Variants in ATAD3A observed in about 807,000 individuals in gnomAD.
The protein encoded by ATAD3A is ATPase family AAA domain-containing protein 3A.
Under a neutral mutation model 73.8 loss-of-function variants are expected in ATAD3A, and 46 were observed. The ratio of observed to expected loss-of-function variants is 0.62; its 90% CI spans 0.49 to 0.80. The LOEUF (loss-of-function observed/expected upper bound fraction) is 0.80. Ranked by LOEUF, ATAD3A falls within the 30% of genes least tolerant of loss-of-function variation. The pLI is 0.00. For synonymous variants in ATAD3A, 319 were observed against 350.0 expected, an observed-to-expected ratio of 0.91 and a Z score of 0.99; for missense variants, 705 against 838.0, an observed-to-expected ratio of 0.84 and a Z score of 1.96.
At chr1:1,524,815 C>T (rs891704076) in intron 11 of ATAD3A, among the ~76,000 whole-genome samples, 7 of 149,774 alleles carry the variant, frequency 4.7e-5, no homozygotes, top group African/African-American at 1.7e-4. Flanking sequence ...CCCACAGTGA[C>T]CCCGCGCAGG....
In ATAD3A at chr1:1,523,899, C is replaced by T. The variant is rs746463437; in HGVS notation, c.1024C>T (p.Arg342Cys). Residue 342 changes from arginine (R) to cysteine (C), a missense_variant, in exon 10 of 16, where the codon CGC (arginine) becomes TGC (cysteine). By Grantham distance (180) the Arg-to-Cys change is radical. Coordinates refer to ENST00000378756, the MANE Select transcript of ATAD3A (RefSeq NM_001170535.3). This position sits in a 1 kb window ranked among gnomAD's most constrained non-coding sequence, Gnocchi z 5.1. ...AGCAACAAGGAACACCAAGAAGAACCGCAGCCTGTACAGGAACATCCTGAT... is the reference window on the plus strand; with the variant it reads ...AGCAACAAGGAACACCAAGAAGAACTGCAGCCTGTACAGGAACATCCTGAT... ...AIATRNTKKN[R>C]SLYRNILMYG... 24 of 1,613,918 alleles carry T rather than the reference C, an allele frequency of 1.5e-5. No individual in the cohort carries two copies. The African/African-American group carries it at 1.7e-4, about 12-fold the overall frequency.
intron 12 of ATAD3A, 139 bp from the exon 13 acceptor site, chr1:1,526,322 G>A: frequency 3.9e-6 from 6 of 1,521,930 alleles, no homozygotes; most frequent in Non-Finnish European, 5.3e-6. Context: ...CCTGGCCCTG[G>A]TCAGGCTTTT....
intron 1 of ATAD3A, among the ~76,000 whole-genome samples, chr1:1,513,534 C>G (rs563375349): frequency 6.6e-6 from 1 of 151,908 alleles, no homozygotes; most frequent in South Asian, 2.1e-4. Flanking sequence ...TGTGGTGGAG[C>G]GGGGCCCGGG....
chr1:1,534,396 G>A lies in ATAD3A; in HGVS notation c.*324G>A, dbSNP rs573895560. The A allele has an allele frequency of 1.5e-6, 2 of 1,332,880 alleles. No homozygotes were observed. Among genetic ancestry groups the A allele is most frequent in the East Asian group, 2.8e-5 (1 of 35,980 alleles). The allele number at this position is 1,332,880 out of a possible 1,614,324, so 82.6% of individuals were successfully genotyped here. ...CCAGGCCACTGTGAGGGTGGGTGCT[G>A]GCTGAGCCCCCGGGGCAGCAGGAGC... On this transcript the variant is annotated 3_prime_UTR_variant, in exon 16 of 16. Coordinates refer to ENST00000378756, the MANE Select transcript of ATAD3A (RefSeq NM_001170535.3).
rs1372246068 is a variant in ATAD3A at position 1,520,242 on chromosome 1, A to T, written c.616A>T (p.Ile206Phe). 1 of 1,612,598 alleles carries T rather than the reference A, an allele frequency of 6.2e-7. No individual in the cohort carries two copies. The highest frequency in any genetic ancestry group is 1.1e-5 in the South Asian group (1 of 91,048). Residue 206 changes from isoleucine (I) to phenylalanine (F), a missense_variant, in exon 6 of 16, where the codon ATC becomes TTC. By Grantham distance (21) the Ile-to-Phe change is conservative. This residue lies in a region of ATAD3A where 315 missense variants were observed against 334.1 expected (regional missense o/e 0.94). Coordinates refer to ENST00000378756, the MANE Select transcript of ATAD3A (RefSeq NM_001170535.3). This position sits in a 1 kb window ranked among gnomAD's most constrained non-coding sequence, Gnocchi z 4.0. ...RAKAERENAD[I>F]IREQIRLKAA... ...CAAGGCCGAGCGGGAGAATGCAGACATCATCCGCGAGCAGATCCGCCTGAA... is the reference window on the plus strand; with the variant it reads ...CAAGGCCGAGCGGGAGAATGCAGACTTCATCCGCGAGCAGATCCGCCTGAA...
intron 14 of ATAD3A, 92 bp downstream of exon 14, chr1:1,527,954 ATTCCT>A: frequency 4.6e-5 from 53 of 1,158,474 alleles, no homozygotes; most frequent in Middle Eastern, 2.9e-4. Context: ...AACCTTTAAC[ATTCCT>A]TTTTTTTTTT....
chr1:1,512,746 G>T (rs1433172194), intron 1 of ATAD3A: 15 of 1,120,868 alleles, frequency 1.3e-5, no homozygotes, highest in South Asian at 2.2e-5. Flanking sequence ...AGGGTCTGGG[G>T]CTGGCCGTGG....
rs371799731 is a variant in ATAD3A, at chr1:1,524,404, C to G, written c.1214+7C>G. The G allele has an allele frequency of 6.3e-7, 1 of 1,597,354 alleles. No homozygotes were observed. Among genetic ancestry groups the G allele is most frequent in the South Asian group, 1.1e-5 (1 of 90,310 alleles). On this transcript the variant is annotated splice_region_variant and intron_variant, in intron 11 of 15. Coordinates refer to ENST00000378756, the MANE Select transcript of ATAD3A (RefSeq NM_001170535.3). Reference sequence around the variant, plus strand: ...CCAATACCAGCCGGCGCGGGTGAGACGTCCCCACAGCATGCACCAGGCCCT... The same window carrying G: ...CCAATACCAGCCGGCGCGGGTGAGAGGTCCCCACAGCATGCACCAGGCCCT...
At chr1:1,514,517 C>T (rs1367952854) in intron 1 of ATAD3A, among the ~76,000 whole-genome samples, 3 of 152,200 alleles carry the variant, frequency 2.0e-5, no homozygotes, top group Non-Finnish European at 4.4e-5. Context: ...ACTGGGGCCC[C>T]CGAGGTTAGC....
At position 1,512,268 on chromosome 1, in the gene ATAD3A, C is replaced by T. The variant is rs1641217439; in HGVS notation, c.-1C>T. 8 of 1,273,554 alleles carry T rather than the reference C, an allele frequency of 6.3e-6. No homozygotes were observed. Among genetic ancestry groups the T allele is most frequent in the East Asian group, 3.0e-5 (1 of 33,280 alleles). The allele number at this position is 1,273,554 out of a possible 1,614,324, so 78.9% of individuals were successfully genotyped here. A position where few individuals can be genotyped will look rare whatever the true frequency, so the allele number is the denominator to read the frequency against. On this transcript the variant is annotated 5_prime_UTR_variant, in exon 1 of 16. Transcript: ENST00000378756. Reference sequence around the variant, plus strand: ...GCGGTAGCGGCGGCGGCGGTGCGAGCATGTCGTGGCTCTTCGGCATTAACA... The same window carrying T: ...GCGGTAGCGGCGGCGGCGGTGCGAGTATGTCGTGGCTCTTCGGCATTAACA...
Position 1,522,768 on chromosome 1 carries a change from G to A in ATAD3A, c.775G>A (p.Val259Ile), listed in dbSNP as rs1360133598. The A allele has an allele frequency of 6.2e-7, 1 of 1,611,996 alleles. No homozygotes were observed. The highest frequency in any genetic ancestry group is 8.5e-7 in the Non-Finnish European group (1 of 1,179,780). The stretch of plus-strand genomic sequence containing the variant: ...GGTGGCTGGGCTGACGCTGCTGGCT[G>A]TTGGGGTCTACTCAGCCAAGAATGC... ...ATVAGLTLLA[V>I]GVYSAKNATL... The change falls in exon 8 of 16, where the codon GTT (valine) becomes ATT (isoleucine). Residue 259 changes from valine to isoleucine, a missense_variant. Physicochemically the swap from Val to Ile is conservative, Grantham distance 29. Transcript: ENST00000378756.
chr1:1,532,885 G>A (rs1392033581), intron 15 of ATAD3A, among the ~76,000 whole-genome samples: 5 of 144,210 alleles, frequency 3.5e-5, no homozygotes, highest in Admixed American at 6.8e-5. Flanking sequence ...CCTGCACTCC[G>A]GGGCCCCTGA....
Position 1,534,106 on chromosome 1 carries a change from G to A in ATAD3A, c.*34G>A, listed in dbSNP as rs774182550. ...GGAGATCCACAGCTCACGGAGCCTG[G>A]CCGCGGACCCCTCCCACCCCTGCCT... On this transcript the variant is annotated 3_prime_UTR_variant, in exon 16 of 16. Transcript: ENST00000378756. The A allele has an allele frequency of 6.8e-6, 11 of 1,613,284 alleles. No individual in the cohort carries two copies. In the East Asian group the frequency reaches 2.2e-4, roughly 33 times the overall value.
chr1:1,530,874 G>C lies in ATAD3A; in HGVS notation c.1614+1543G>C, dbSNP rs537183718. Among the ~76,000 whole-genome samples the C allele has an allele frequency of 2.0e-4, 30 of 146,560 alleles. 1 individual carries two copies. In the South Asian group the frequency reaches 6.5e-3, roughly 32 times the overall value. On this transcript the variant is annotated intron_variant, in intron 15 of 15. Transcript: ENST00000378756. ...AAAAAAACTAAGAATAATTTGGAAC[G>C]AGTGCGGTGGCTCACTCCTGTAATC...
rs1473609320 is a variant in ATAD3A at position 1,527,748 on chromosome 1, A to G, written c.1391A>G (p.Asn464Ser). The change falls in exon 14 of 16, where the codon AAT becomes AGT. Residue 464 changes from asparagine (N) to serine (S), a missense_variant. Around this residue, in one of 5 missense-constraint regions of ATAD3A, gnomAD observed 252 missense variants for 278.5 expected, o/e 0.90. Coordinates refer to ENST00000378756, the MANE Select transcript of ATAD3A (RefSeq NM_001170535.3). ...NQPEQFDWAI[N>S]DRINEMVHFD... ...CCAGAGCAGTTCGACTGGGCCATCA[A>G]TGACCGCATCAATGAGATGGTCCAC... The G allele has an allele frequency of 8.7e-6, 14 of 1,613,970 alleles. No individual in the cohort carries two copies. The highest frequency in any genetic ancestry group is 5.5e-5 in the South Asian group (5 of 91,072).
rs1351966293 is a variant in ATAD3A at position 1,520,530 on chromosome 1, C to T, written c.681-18C>T. On this transcript the variant is annotated intron_variant, in intron 6 of 15. Coordinates refer to ENST00000378756, the MANE Select transcript of ATAD3A (RefSeq NM_001170535.3). The surrounding 1 kb of genome is among the most constrained non-coding windows in gnomAD (Gnocchi z 4.0). ...GATCTTCGTGTCCTTCCTGGTCACA[C>T]CACTGCTTTCCCCGCAGGACGGCTG... is the stretch of plus-strand genomic sequence containing the variant. 2 of 1,614,096 alleles carry T rather than the reference C, an allele frequency of 1.2e-6. No individual in the cohort carries two copies. Among genetic ancestry groups the T allele is most frequent in the African/African-American group, 1.3e-5 (1 of 75,074 alleles).
chr1:1,520,700 G>C lies in ATAD3A; in HGVS notation c.750+83G>C. On this transcript the variant is annotated intron_variant, in intron 7 of 15. Transcript: ENST00000378756. The surrounding 1 kb of genome is among the most constrained non-coding windows in gnomAD (Gnocchi z 4.0). ...TCCTGGAGCCCCAGGTCCTGTCCCT[G>C]CCGGCTCTGCACAGCCCTGTAGCTC... is the stretch of plus-strand genomic sequence containing the variant. 6.2e-7 allele frequency: 1 copy of C among 1,605,614 alleles called. No homozygotes were observed. Among genetic ancestry groups the C allele is most frequent in the Non-Finnish European group, 8.5e-7 (1 of 1,174,324 alleles).
At chr1:1,528,611 G>A (rs2100680198) in intron 14 of ATAD3A, among the ~76,000 whole-genome samples, 1 of 152,382 alleles carries the variant, frequency 6.6e-6, no homozygotes, top group East Asian at 1.9e-4. Context: ...TCCAGGTGAT[G>A]AGGGGCCCTG....
In ATAD3A at chr1:1,526,513, C is replaced by T. The variant is rs753568599; in HGVS notation, c.1319C>T (p.Thr440Met). The T allele has an allele frequency of 2.7e-5, 44 of 1,612,462 alleles. No individual in the cohort carries two copies. Among genetic ancestry groups the T allele is most frequent in the Middle Eastern group, 1.7e-4 (1 of 5,806 alleles). ...ACACTGAACGCCTTCCTGTACCGCACGGGCCAGCACAGCAACAAGTGAGGG... is the reference window on the plus strand; with the variant it reads ...ACACTGAACGCCTTCCTGTACCGCATGGGCCAGCACAGCAACAAGTGAGGG... ...RATLNAFLYRTGQHSNKFMLV... is the reference protein window; with the variant it reads ...RATLNAFLYRMGQHSNKFMLV... Residue 440 changes from threonine to methionine, a missense_variant, in exon 13 of 16, where the codon ACG becomes ATG. Around this residue, in one of 5 missense-constraint regions of ATAD3A, gnomAD observed 252 missense variants for 278.5 expected, o/e 0.90. Transcript: ENST00000378756.
Sources: allele counts gnomAD v4.1 joint callset (sites outside exome capture counted in the v4.1 genomes callset), GRCh38; gene constraint gnomAD v4.1.1; regional missense constraint gnomAD v4.1.1; non-coding constraint Gnocchi (gnomAD v3.1); transcripts MANE v1.5; gene names NCBI Gene and HGNC (gene_info 2026-07-23, HGNC 2026-07-21).